Variants in TCN1 observed in about 807,000 individuals in gnomAD.
TCN1 encodes the protein transcobalamin-1.
Under a neutral mutation model 46.3 loss-of-function variants are expected in TCN1, and 47 were observed. That is an observed-to-expected ratio of 1.01 (90% CI 0.80 to 1.29). The LOEUF (loss-of-function observed/expected upper bound fraction) is 1.29, where lower values mean the gene tolerates loss of function less well. TCN1 is among the 50% of genes most tolerant of loss of function. The pLI is 0.00. For synonymous variants in TCN1, 183 were observed against 192.5 expected, an observed-to-expected ratio of 0.95 and a Z score of 0.41; for missense variants, 532 against 511.0, an observed-to-expected ratio of 1.04 and a Z score of -0.40.
chr11:59,863,026 C>T (rs183132184), intron 2 of TCN1, among the ~76,000 whole-genome samples: 2 of 152,230 alleles, frequency 1.3e-5, no homozygotes. Context: ...GTCCTGAATA[C>T]TATAGGCAAT....
At position 59,853,243 on chromosome 11, in the gene TCN1, G is replaced by C; in HGVS notation, c.1200C>G (p.Thr400=). 6.2e-7 allele frequency: 1 copy of C among 1,614,076 alleles called. No individual in the cohort carries two copies. Among genetic ancestry groups the C allele is most frequent in the East Asian group, 2.2e-5 (1 of 44,864 alleles). Residue 400 remains threonine, a synonymous_variant, in exon 8 of 9, where the codon ACC becomes ACG. Coordinates refer to ENST00000257264, the MANE Select transcript of TCN1 (RefSeq NM_001062.4). ...CGCCTCCACTCAGAAGTTCCCAGTA[G>C]GTTCTGTCATTATTGTTGGCACATA... ...QGLCANNNDR[T]YWELLSGGEP...
In TCN1 at chr11:59,852,873, C is replaced by G. The variant is rs1866682282; in HGVS notation, c.*102G>C. On this transcript the variant is annotated 3_prime_UTR_variant, in exon 9 of 9. Coordinates refer to ENST00000257264, the MANE Select transcript of TCN1 (RefSeq NM_001062.4). ...GAGAGAGAAGGGGAGGTTATTAACT[C>G]TCCTGCTCGTACTGGGATAAATGAA... The G allele has an allele frequency of 1.8e-6, 2 of 1,088,576 alleles. No individual in the cohort carries two copies. Among genetic ancestry groups the G allele is most frequent in the Non-Finnish European group, 2.8e-6 (2 of 702,090 alleles). 67.4% of individuals were successfully genotyped at this position (1,088,576 alleles called of 1,614,324 possible). A position where few individuals can be genotyped will look rare whatever the true frequency, so the allele number is the denominator to read the frequency against.
At chr11:59,855,525 G>C (rs1852921120) in intron 6 of TCN1, among the ~76,000 whole-genome samples, 1 of 152,194 alleles carries the variant, frequency 6.6e-6, no homozygotes, top group Non-Finnish European at 1.5e-5. Flanking sequence ...ACTGTGCAAA[G>C]TCAGAGTCAC....
At chr11:59,858,654 C>T (rs996243170) in intron 5 of TCN1, among the ~76,000 whole-genome samples, 1 of 152,176 alleles carries the variant, frequency 6.6e-6, no homozygotes, top group East Asian at 1.9e-4. Flanking sequence ...ATAATAAGGT[C>T]TTAGGAGGCC....
intron 7 of TCN1, 21 bp from the exon 8 acceptor site, chr11:59,853,342 G>T: frequency 6.2e-7 from 1 of 1,604,788 alleles, no homozygotes; most frequent in Non-Finnish European, 8.5e-7. Context: ...CAGCAAGTAG[G>T]TTACTGGAAC....
chr11:59,863,830 T>A, intron 2 of TCN1, 77 bp downstream of exon 2: 1 of 1,553,608 alleles, frequency 6.4e-7, no homozygotes, highest in South Asian at 1.1e-5. Flanking sequence ...GGATGCATAA[T>A]TTTTTAGGAT....
intron 5 of TCN1, among the ~76,000 whole-genome samples, chr11:59,858,593 G>A (rs553166756): frequency 6.6e-6 from 1 of 152,166 alleles, no homozygotes; most frequent in Non-Finnish European, 1.5e-5. Context: ...TCAGGGAGGG[G>A]AAGGGAATCG....
rs754270038 is a variant in TCN1, at chr11:59,852,923, AT to A, written c.*51del. 6.5e-7 allele frequency: 1 copy of A among 1,532,050 alleles called. No individual in the cohort carries two copies. The highest frequency in any genetic ancestry group is 2.2e-5 in the East Asian group (1 of 44,486). The allele number at this position is 1,532,050 out of a possible 1,614,324, so 94.9% of individuals were successfully genotyped here. ...AGAAGAAGGCATAAGGACAATAAACATGGAACTCCACTGCAAATGGATTTTA... is the reference window on the plus strand; with the variant it reads ...AGAAGAAGGCATAAGGACAATAAACAGGAACTCCACTGCAAATGGATTTTA... On this transcript the variant is annotated 3_prime_UTR_variant, in exon 9 of 9. Coordinates refer to ENST00000257264, the MANE Select transcript of TCN1 (RefSeq NM_001062.4).
In TCN1 at chr11:59,866,462, C is replaced by A. The variant is rs139361825; in HGVS notation, c.9G>T (p.Gln3His). 8.1e-6 allele frequency: 13 copies of A among 1,613,332 alleles called. No homozygotes were observed. In the Middle Eastern group the frequency reaches 6.6e-4, roughly 82 times the overall value. MR[Q>H]SHQLPLVGLL... The stretch of plus-strand genomic sequence containing the variant: ...GCCCCACTAGGGGCAGCTGGTGTGA[C>A]TGTCTCATCTCTCCAACAGTGTACC... Residue 3 changes from glutamine to histidine, a missense_variant, in exon 1 of 9, where the codon CAG (glutamine) becomes CAT (histidine). By Grantham distance (24) the Gln-to-His change is conservative. Coordinates refer to ENST00000257264, the MANE Select transcript of TCN1 (RefSeq NM_001062.4).
In TCN1 at chr11:59,853,023, G is replaced by A. The variant is rs369761477; in HGVS notation, c.1254C>T (p.Tyr418=). Residue 418 remains tyrosine, a synonymous_variant, in exon 9 of 9, where the codon TAC becomes TAT. Transcript: ENST00000257264. ...CCAAGTTTTCTCCATTGCGGACAAC[G>A]TAACTACCAGCTCCTGAAAAGGAAG... ...GEPLSQGAGS[Y]VVRNGENLEV... The A allele has an allele frequency of 4.0e-5, 64 of 1,614,012 alleles. 2 individuals carry two copies. In the South Asian group the frequency reaches 4.3e-4, roughly 11 times the overall value.
chr11:59,852,862 G>A lies in TCN1; in HGVS notation c.*113C>T. On this transcript the variant is annotated 3_prime_UTR_variant, in exon 9 of 9. Transcript: ENST00000257264. Reference sequence around the variant, plus strand: ...TTGAACATGTAGAGAGAGAAGGGGAGGTTATTAACTCTCCTGCTCGTACTG... The same window carrying A: ...TTGAACATGTAGAGAGAGAAGGGGAAGTTATTAACTCTCCTGCTCGTACTG... The A allele has an allele frequency of 1.1e-6, 1 of 943,540 alleles. No individual in the cohort carries two copies. 58.4% of individuals were successfully genotyped at this position (943,540 alleles called of 1,614,324 possible).
chr11:59,865,114 C>T (rs1420012956), intron 1 of TCN1, among the ~76,000 whole-genome samples: 4 of 152,138 alleles, frequency 2.6e-5, no homozygotes, highest in Admixed American at 2.6e-4. Context: ...TATCACTATA[C>T]TTGAGAATCA....
chr11:59,852,923 A>C lies in TCN1; in HGVS notation c.*52T>G. ...AGAAGAAGGCATAAGGACAATAAAC[A>C]TGGAACTCCACTGCAAATGGATTTT... On this transcript the variant is annotated 3_prime_UTR_variant, in exon 9 of 9. Transcript: ENST00000257264. 6.5e-7 allele frequency: 1 copy of C among 1,532,050 alleles called. No individual in the cohort carries two copies. The highest frequency in any genetic ancestry group is 9.0e-7 in the Non-Finnish European group (1 of 1,105,288). The allele number at this position is 1,532,050 out of a possible 1,614,324, so 94.9% of individuals were successfully genotyped here. A position where few individuals can be genotyped will look rare whatever the true frequency, so the allele number is the denominator to read the frequency against.
chr11:59,864,853 A>G (rs1054836463), intron 1 of TCN1, among the ~76,000 whole-genome samples: 2 of 152,194 alleles, frequency 1.3e-5, no homozygotes, highest in African/African-American at 4.8e-5. Flanking sequence ...CAAATCCTAC[A>G]TATCTCCAGA....
intron 7 of TCN1, among the ~76,000 whole-genome samples, 166 bp from the exon 8 acceptor site, chr11:59,853,487 G>A (rs1274714768): frequency 1.3e-5 from 2 of 152,132 alleles, no homozygotes; most frequent in African/African-American, 4.8e-5. Flanking sequence ...TATGAGCTGG[G>A]GATCAGGAAT....
intron 3 of TCN1, 43 bp from the exon 4 acceptor site, chr11:59,861,725 A>C: frequency 6.3e-7 from 1 of 1,596,624 alleles, no homozygotes; most frequent in Non-Finnish European, 8.6e-7. Context: ...TGGAAGTGGT[A>C]ATGGCGTATG....
rs777939229 is a variant in TCN1 at position 59,852,929 on chromosome 11, C to CTTTTAT, written c.*45_*46insATAAAA. ...AGGCATAAGGACAATAAACATGGAA[C>CTTTTAT]TCCACTGCAAATGGATTTTATGCAG... On this transcript the variant is annotated 3_prime_UTR_variant, in exon 9 of 9. Transcript: ENST00000257264. 6.4e-7 allele frequency: 1 copy of CTTTTAT among 1,563,882 alleles called. No individual in the cohort carries two copies. Among genetic ancestry groups the CTTTTAT allele is most frequent in the Non-Finnish European group, 8.8e-7 (1 of 1,134,224 alleles).
intron 7 of TCN1, 73 bp from the exon 8 acceptor site, chr11:59,853,394 C>G: frequency 7.9e-7 from 1 of 1,270,722 alleles, no homozygotes; most frequent in East Asian, 2.3e-5. Flanking sequence ...ATTTCTCAAA[C>G]TTTAATGTAC....
chr11:59,853,332 C>T lies in TCN1; in HGVS notation c.1122-11G>A. The T allele has an allele frequency of 6.2e-7, 1 of 1,610,324 alleles. No homozygotes were observed. Among genetic ancestry groups the T allele is most frequent in the South Asian group, 1.1e-5 (1 of 91,006 alleles). ...TCCTCCATTGTGAAACTGTGGGTGA[C>T]AGCAAGTAGGTTACTGGAACTTAGA... On this transcript the variant is annotated splice_polypyrimidine_tract_variant and intron_variant, in intron 7 of 8. Coordinates refer to ENST00000257264, the MANE Select transcript of TCN1 (RefSeq NM_001062.4).
Sources: gnomAD v4.1 joint callset for allele counts (sites outside exome capture counted in the v4.1 genomes callset) on GRCh38, gnomAD v4.1.1 for gene constraint, MANE v1.5 for transcripts, NCBI Gene and HGNC (gene_info 2026-07-23, HGNC 2026-07-21) for gene names.